MEI4: variants seen among roughly 807,000 people sequenced by gnomAD.
The protein encoded by MEI4 is meiosis-specific protein MEI4.
A neutral mutation model predicts 31.4 loss-of-function variants in MEI4; 27 were observed. The observed-to-expected ratio is 0.86, with a 90% CI of 0.63 to 1.19. The LOEUF (loss-of-function observed/expected upper bound fraction) is 1.19. Among genes scored for constraint, MEI4 ranks in the 50% most tolerant of loss-of-function variants. The pLI, the probability that MEI4 is intolerant of heterozygous loss-of-function variation, is 0.00. For synonymous variants in MEI4, 122 were observed against 145.4 expected (o/e 0.84, Z 1.16); for missense variants, 329 against 398.9 (o/e 0.82, Z 1.49).
At chr6:77,768,032 T>C (rs900873205) in intron 3 of MEI4, among the ~76,000 whole-genome samples, 1 of 152,194 alleles carries the variant, frequency 6.6e-6, no homozygotes, top group Non-Finnish European at 1.5e-5. Context: ...ATGGAACTTA[T>C]TATCTGTTCA....
At chr6:77,727,668 T>G (rs916210963) in intron 2 of MEI4, among the ~76,000 whole-genome samples, 1 of 152,250 alleles carries the variant, frequency 6.6e-6, no homozygotes, top group Non-Finnish European at 1.5e-5. Context: ...GATTCTGGTC[T>G]TTCACAGTGA....
intron 4 of MEI4, among the ~76,000 whole-genome samples, chr6:77,917,849 A>G (rs920991158): frequency 4.1e-5 from 6 of 147,976 alleles, no homozygotes; most frequent in Admixed American, 2.0e-4. Flanking sequence ...GCCCATGCCT[A>G]TGTCCTGAAT....
At position 77,731,860 on chromosome 6, in the gene MEI4, T is replaced by TC. The variant is rs1166473533; in HGVS notation, c.233-29268dup. On this transcript the variant is annotated intron_variant, in intron 2 of 4. Transcript: ENST00000684080. Reference sequence around the variant, plus strand: ...CTTTCTACATATGGCTAGCCAGTTTTCCAGCACCATTTATTAAATAGGGAA... The same window carrying TC: ...CTTTCTACATATGGCTAGCCAGTTTTCCCAGCACCATTTATTAAATAGGGAA... Among the ~76,000 whole-genome samples, 153 of 152,010 alleles carry TC rather than the reference T, an allele frequency of 1.0e-3. 1 individual carries two copies. Among genetic ancestry groups the TC allele is most frequent in the African/African-American group, 3.0e-3 (125 of 41,282 alleles).
intron 4 of MEI4, among the ~76,000 whole-genome samples, chr6:77,833,305 T>C (rs1035956746): frequency 4.6e-5 from 7 of 152,158 alleles, no homozygotes; most frequent in African/African-American, 1.7e-4. Context: ...AGGGCCTACA[T>C]TGTTTAGTTA....
At chr6:77,841,333 A>ATATATTTTTTTTTTTTTTTT in intron 4 of MEI4, among the ~76,000 whole-genome samples, 2 of 27,736 alleles carry the variant, frequency 7.2e-5, no homozygotes, top group African/African-American at 6.5e-4. Context: ...ATATATATAT[A>ATATATTTTTTTTTTTTTTTT]TTTTTTTTTT....
chr6:77,914,975 G>C (rs760311682), intron 4 of MEI4, among the ~76,000 whole-genome samples: 1 of 152,014 alleles, frequency 6.6e-6, no homozygotes, highest in Non-Finnish European at 1.5e-5. Context: ...CTTGTAAGCA[G>C]CATATAGTGG....
At chr6:77,892,007 G>A (rs534340197) in intron 4 of MEI4, among the ~76,000 whole-genome samples, 156 of 152,342 alleles carry the variant, frequency 1.0e-3, no homozygotes, top group Non-Finnish European at 1.8e-3. Flanking sequence ...GCACAGGTTT[G>A]CCAGTTCTCT....
intron 3 of MEI4, among the ~76,000 whole-genome samples, chr6:77,812,467 A>T (rs1481637881): frequency 6.6e-6 from 1 of 152,130 alleles, no homozygotes. Flanking sequence ...TGAAAGAGAA[A>T]CTAGAAAGAT....
chr6:77,835,309 G>A (rs950215983), intron 4 of MEI4, among the ~76,000 whole-genome samples: 6 of 147,644 alleles, frequency 4.1e-5, no homozygotes, highest in East Asian at 2.0e-4. Context: ...GTTGTGAGCC[G>A]AGACTGCACC....
intron 4 of MEI4, among the ~76,000 whole-genome samples, chr6:77,915,279 C>T (rs1766519137): frequency 1.3e-5 from 2 of 152,024 alleles, no homozygotes; most frequent in African/African-American, 4.8e-5. Flanking sequence ...CTTCATTTCA[C>T]TTCTGGTTGT....
chr6:77,824,400 C>T (rs1450309370), intron 3 of MEI4, among the ~76,000 whole-genome samples: 1 of 152,124 alleles, frequency 6.6e-6, no homozygotes, highest in Non-Finnish European at 1.5e-5. Context: ...TTTAATCTAA[C>T]TTTGAACAAG....
At chr6:77,779,681 C>T (rs1425316590) in intron 3 of MEI4, among the ~76,000 whole-genome samples, 1 of 151,946 alleles carries the variant, frequency 6.6e-6, no homozygotes, top group Non-Finnish European at 1.5e-5. Flanking sequence ...TAATAATTTG[C>T]CCCTTTCCCT....
At position 77,733,867 on chromosome 6, in the gene MEI4, G is replaced by A. The variant is rs192989651; in HGVS notation, c.233-27263G>A. On this transcript the variant is annotated intron_variant, in intron 2 of 4. Transcript: ENST00000684080. ...GGTTTCAAAGAACATCTTTATTTCT[G>A]CCTTCATTTTGTTATGTACCCAGTA... Among the ~76,000 whole-genome samples the A allele has an allele frequency of 8.5e-5, 13 of 152,072 alleles. No individual in the cohort carries two copies. In the East Asian group the frequency reaches 2.5e-3, roughly 29 times the overall value.
At chr6:77,786,640 T>C (rs1199678469) in intron 3 of MEI4, among the ~76,000 whole-genome samples, 1 of 152,132 alleles carries the variant, frequency 6.6e-6, no homozygotes, top group Admixed American at 6.6e-5. Context: ...GTAGTTAGTA[T>C]GATTAGTGCA....
chr6:77,820,279 C>T lies in MEI4; in HGVS notation c.769-8652C>T, dbSNP rs994912609. On this transcript the variant is annotated intron_variant, in intron 3 of 4. Transcript: ENST00000684080. This position sits in a 1 kb window ranked among gnomAD's most constrained non-coding sequence, Gnocchi z 4.5. ...GTTTTTGTTTTTGGAGATGGAGTCT[C>T]ACTCTGTTGCCCAGGCTGGAGGGCA... 2.6e-5 allele frequency among the ~76,000 whole-genome samples: 4 copies of T among 152,000 alleles called. No individual in the cohort carries two copies. In the South Asian group the frequency reaches 6.2e-4, roughly 24 times the overall value.
chr6:77,659,915 G>C (rs1256946201), intron 1 of MEI4, among the ~76,000 whole-genome samples: 1 of 152,194 alleles, frequency 6.6e-6, no homozygotes, highest in Non-Finnish European at 1.5e-5. Flanking sequence ...TGTGTTGTGA[G>C]AGGTCCAAAT....
chr6:77,902,553 G>T (rs1270346456), intron 4 of MEI4, among the ~76,000 whole-genome samples: 1 of 152,022 alleles, frequency 6.6e-6, no homozygotes, highest in African/African-American at 2.4e-5. Context: ...TATTGATTTT[G>T]TATCCTTTGT....
At chr6:77,737,998 A>C (rs543417090) in intron 2 of MEI4, among the ~76,000 whole-genome samples, 1 of 152,238 alleles carries the variant, frequency 6.6e-6, no homozygotes, top group Non-Finnish European at 1.5e-5. Context: ...TGTCAGGATT[A>C]GAAATACAGA....
chr6:77,910,925 G>GTTTTTT (rs58959367), intron 4 of MEI4, among the ~76,000 whole-genome samples: 9 of 120,556 alleles, frequency 7.5e-5, no homozygotes, highest in Non-Finnish European at 7.0e-5. Flanking sequence ...CCAGCTTCTG[G>GTTTTTT]TTTTTTTTTT....
Sources: gnomAD v4.1 joint callset for allele counts (sites outside exome capture counted in the v4.1 genomes callset) on GRCh38, gnomAD v4.1.1 for gene constraint, Gnocchi (gnomAD v3.1) non-coding constraint, MANE v1.5 for transcripts, NCBI Gene and HGNC (gene_info 2026-07-23, HGNC 2026-07-21) for gene names.